CHST6: variants seen among roughly 807,000 people sequenced by gnomAD.
CHST6 encodes the protein carbohydrate sulfotransferase 6.
For synonymous variants in CHST6, 309 were observed against 276.4 expected (o/e 1.12, Z -1.17); for missense variants, 698 against 586.2 (o/e 1.19, Z -1.97).
Position 75,478,559 on chromosome 16 carries a change from C to T in CHST6, c.*82G>A. On this transcript the variant is annotated 3_prime_UTR_variant, in exon 3 of 3. Transcript: ENST00000332272. ...ACAAACTCCTTGGTCAATATAGGGA[C>T]CTGCTTCTCCGTGCGCCCCAGCCCC... 1 of 1,413,124 alleles carries T rather than the reference C, an allele frequency of 7.1e-7. No individual in the cohort carries two copies. The highest frequency in any genetic ancestry group is 1.2e-5 in the South Asian group (1 of 86,426). The allele number at this position is 1,413,124 out of a possible 1,614,324, so 87.5% of individuals were successfully genotyped here. A position where few individuals can be genotyped will look rare whatever the true frequency, so the allele number is the denominator to read the frequency against.
At position 75,473,996 on chromosome 16, in the gene CHST6, A is replaced by T. The variant is rs2080040556; in HGVS notation, c.*4645T>A. 1 of 151,856 alleles carries T rather than the reference A, an allele frequency of 6.6e-6. No homozygotes were observed. 9.4% of individuals were successfully genotyped at this position (151,856 alleles called of 1,614,324 possible). A position where few individuals can be genotyped will look rare whatever the true frequency, so the allele number is the denominator to read the frequency against. On this transcript the variant is annotated 3_prime_UTR_variant, in exon 3 of 3. Coordinates refer to ENST00000332272, the MANE Select transcript of CHST6 (RefSeq NM_021615.5). ...AGCCCAGCCTGATCGACATGGTGAAACCCCATCTCTACTAAAAATACAAAA... is the reference window on the plus strand; with the variant it reads ...AGCCCAGCCTGATCGACATGGTGAATCCCCATCTCTACTAAAAATACAAAA...
At position 75,474,627 on chromosome 16, in the gene CHST6, G is replaced by C. The variant is rs1282630935; in HGVS notation, c.*4014C>G. The C allele has an allele frequency of 1.3e-5, 5 of 398,862 alleles. No individual in the cohort carries two copies. The highest frequency in any genetic ancestry group is 2.2e-5 in the Non-Finnish European group (5 of 226,402). 24.7% of individuals were successfully genotyped at this position (398,862 alleles called of 1,614,324 possible). Reference sequence around the variant, plus strand: ...TATTGGCTTACAGTTCTGGAGGCTGGGAAGCCCAAGATCAAGGAGCCAGCA... The same window carrying C: ...TATTGGCTTACAGTTCTGGAGGCTGCGAAGCCCAAGATCAAGGAGCCAGCA... On this transcript the variant is annotated 3_prime_UTR_variant, in exon 3 of 3. Coordinates refer to ENST00000332272, the MANE Select transcript of CHST6 (RefSeq NM_021615.5).
At chr16:75,486,664 G>A (rs904343365) in intron 1 of CHST6, among the ~76,000 whole-genome samples, 2 of 152,232 alleles carry the variant, frequency 1.3e-5, no homozygotes, top group Admixed American at 6.5e-5. Context: ...AAAGTTCACA[G>A]GCAAGCTGAC....
At chr16:75,480,189 G>A (rs2080124596) in intron 2 of CHST6, among the ~76,000 whole-genome samples, 1 of 152,174 alleles carries the variant, frequency 6.6e-6, no homozygotes, top group Admixed American at 6.5e-5. Flanking sequence ...TATTTCAAAC[G>A]GAATTCCTGT....
intron 1 of CHST6, among the ~76,000 whole-genome samples, chr16:75,482,409 G>A (rs994637423): frequency 1.3e-5 from 2 of 152,114 alleles, no homozygotes; most frequent in African/African-American, 2.4e-5. Context: ...TTAGCCAGGC[G>A]TTGTGGCACA....
At chr16:75,490,099 G>GTTC (rs2080239502) in intron 1 of CHST6, among the ~76,000 whole-genome samples, 1 of 149,942 alleles carries the variant, frequency 6.7e-6, no homozygotes, top group Non-Finnish European at 1.5e-5. Context: ...CTTGAACCCG[G>GTTC]GAGGCAGAGG....
At chr16:75,487,468 A>G (rs1180223400) in intron 1 of CHST6, among the ~76,000 whole-genome samples, 1 of 151,548 alleles carries the variant, frequency 6.6e-6, no homozygotes, top group Non-Finnish European at 1.5e-5. Flanking sequence ...AGTTTGGGAC[A>G]AGCCTGACCA....
At chr16:75,487,283 G>A (rs1162123258) in intron 1 of CHST6, among the ~76,000 whole-genome samples, 1 of 152,196 alleles carries the variant, frequency 6.6e-6, no homozygotes, top group Non-Finnish European at 1.5e-5. Flanking sequence ...ACCAAGGATG[G>A]TTTTCCATAG....
rs142249788 is a variant in CHST6 at position 75,488,422 on chromosome 16, A to G, written c.-92+6518T>C. On this transcript the variant is annotated intron_variant, in intron 1 of 2. Transcript: ENST00000332272. ...GTGGAGGTTGCAGTGAGCAGAGATC[A>G]TGAGCCATTGCATTCCAGCCTGGGC... 4.4e-3 allele frequency among the ~76,000 whole-genome samples: 668 copies of G among 151,104 alleles called. 5 individuals carry two copies. Among genetic ancestry groups the G allele is most frequent in the African/African-American group, 0.016 (641 of 41,156 alleles).
chr16:75,486,458 G>A (rs559757568), intron 1 of CHST6, among the ~76,000 whole-genome samples: 23 of 152,212 alleles, frequency 1.5e-4, no homozygotes, highest in African/African-American at 3.6e-4. Flanking sequence ...CACCACTCCC[G>A]GCTCCTAAGG....
chr16:75,491,249 T>C (rs1415180578), intron 1 of CHST6, among the ~76,000 whole-genome samples: 6 of 140,352 alleles, frequency 4.3e-5, no homozygotes, highest in Non-Finnish European at 7.6e-5. Flanking sequence ...ATAATATATA[T>C]AAACTTTAAC....
chr16:75,494,285 G>C (rs751804041), intron 1 of CHST6, among the ~76,000 whole-genome samples: 1 of 152,076 alleles, frequency 6.6e-6, no homozygotes. Context: ...GAAAAGTTCC[G>C]GCCTCTCAGG....
rs2151662625 is a variant in CHST6, at chr16:75,474,566, G to A, written c.*4075C>T. 2.5e-6 allele frequency: 1 copy of A among 398,386 alleles called. No individual in the cohort carries two copies. The highest frequency in any genetic ancestry group is 1.3e-4 in the South Asian group (1 of 7,804). 24.7% of individuals were successfully genotyped at this position (398,386 alleles called of 1,614,324 possible). A position where few individuals can be genotyped will look rare whatever the true frequency, so the allele number is the denominator to read the frequency against. On this transcript the variant is annotated 3_prime_UTR_variant, in exon 3 of 3. Coordinates refer to ENST00000332272, the MANE Select transcript of CHST6 (RefSeq NM_021615.5). ...ATTGGGATTACAGGCGTGAGCCACT[G>A]AACCCAGCAAGGGTCATATATAATA...
chr16:75,475,497 A>T lies in CHST6; in HGVS notation c.*3144T>A, dbSNP rs1416241579. 2.0e-5 allele frequency: 3 copies of T among 152,418 alleles called. 1 individual carries two copies. The East Asian group carries it at 5.8e-4, about 29-fold the overall frequency. 9.4% of individuals were successfully genotyped at this position (152,418 alleles called of 1,614,324 possible). On this transcript the variant is annotated 3_prime_UTR_variant, in exon 3 of 3. Transcript: ENST00000332272. ...CCAGAGCTCTGTGCCCTGTCACAGCATTGGGCAGTCCCCAGTGATTAAACC... is the reference window on the plus strand; with the variant it reads ...CCAGAGCTCTGTGCCCTGTCACAGCTTTGGGCAGTCCCCAGTGATTAAACC...
At chr16:75,491,178 A>ATATATATATATAT in intron 1 of CHST6, among the ~76,000 whole-genome samples, 1 of 79,932 alleles carries the variant, frequency 1.3e-5, no homozygotes, top group African/African-American at 5.2e-5. Context: ...AAAAAAAAAA[A>ATATATATATATAT]AAAAAAAAAA....
Position 75,477,172 on chromosome 16 carries a change from A to T in CHST6, c.*1469T>A, listed in dbSNP as rs916595981. 6.6e-6 allele frequency: 1 copy of T among 152,248 alleles called. No homozygotes were observed. The highest frequency in any genetic ancestry group is 1.5e-5 in the Non-Finnish European group (1 of 68,052). The allele number at this position is 152,248 out of a possible 1,614,324, so 9.4% of individuals were successfully genotyped here. A position where few individuals can be genotyped will look rare whatever the true frequency, so the allele number is the denominator to read the frequency against. On this transcript the variant is annotated 3_prime_UTR_variant, in exon 3 of 3. Coordinates refer to ENST00000332272, the MANE Select transcript of CHST6 (RefSeq NM_021615.5). ...CTTCCTCCTATAATTGTCACGAGGG[A>T]CAGATTCAAGTTTCATTTGGTTGAA...
intron 1 of CHST6, among the ~76,000 whole-genome samples, chr16:75,491,806 C>T (rs1327266164): frequency 2.0e-5 from 3 of 152,246 alleles, no homozygotes; most frequent in Admixed American, 6.5e-5. Context: ...CCAGCTATCA[C>T]TGCAGAGAGA....
intron 1 of CHST6, among the ~76,000 whole-genome samples, chr16:75,482,529 A>T (rs1316516527): frequency 6.6e-6 from 1 of 151,968 alleles, no homozygotes; most frequent in Non-Finnish European, 1.5e-5. Flanking sequence ...CAAGGGGGAA[A>T]CTCCGTCTCA....
intron 1 of CHST6, among the ~76,000 whole-genome samples, chr16:75,490,173 CAAA>C (rs58903978): frequency 2.5e-5 from 1 of 40,612 alleles, no homozygotes. Context: ...GACTTTGCCT[CAAA>C]AAAAAAAAAA....
Sources: gnomAD v4.1 joint callset for allele counts (sites outside exome capture counted in the v4.1 genomes callset) on GRCh38, gnomAD v4.1.1 for gene constraint, MANE v1.5 for transcripts, NCBI Gene and HGNC (gene_info 2026-07-23, HGNC 2026-07-21) for gene names.